Variants in AKT3 observed in about 807,000 individuals in gnomAD.
The protein encoded by AKT3 is AKT serine/threonine kinase 3.
In AKT3, 15 loss-of-function variants were observed where a neutral mutation model predicts 65.3. That is an observed-to-expected ratio of 0.23 (90% CI 0.15 to 0.35). The LOEUF (loss-of-function observed/expected upper bound fraction) is 0.35. Ranked by LOEUF, AKT3 falls within the 10% of genes least tolerant of loss-of-function variation. The probability of loss-of-function intolerance (pLI) is 1.00; values close to 1 mark genes in which losing one functional copy is unlikely to be tolerated. For missense variants in AKT3, 243 were observed against 576.5 expected, an observed-to-expected ratio of 0.42 and a Z score of 5.92; for synonymous variants, 206 against 183.8, an observed-to-expected ratio of 1.12 and a Z score of -0.98.
chr1:243,786,690 G>A (rs1457601017), intron 2 of AKT3, among the ~76,000 whole-genome samples: 1 of 152,050 alleles, frequency 6.6e-6, no homozygotes, highest in Non-Finnish European at 1.5e-5. Flanking sequence ...ACGGGGTGGG[G>A]GGGTGCGCGG....
chr1:243,795,446 C>CTTG (rs1235695595), intron 2 of AKT3, among the ~76,000 whole-genome samples: 24 of 135,076 alleles, frequency 1.8e-4, no homozygotes, highest in Non-Finnish European at 3.6e-4. Flanking sequence ...CCTTGATCTC[C>CTTG]TTGTTTTTTT....
At chr1:243,588,111 C>A (rs1675934210) in intron 8 of AKT3, among the ~76,000 whole-genome samples, 1 of 152,088 alleles carries the variant, frequency 6.6e-6, no homozygotes, top group Non-Finnish European at 1.5e-5. Context: ...GGTTTCACTG[C>A]TGAAAAGATA....
intron 2 of AKT3, among the ~76,000 whole-genome samples, chr1:243,785,672 T>C (rs1176002938): frequency 6.6e-6 from 1 of 152,218 alleles, no homozygotes; most frequent in Non-Finnish European, 1.5e-5. Context: ...AGATGTGTCG[T>C]AGGATGCGTT....
chr1:243,769,231 T>C (rs913050205), intron 2 of AKT3, among the ~76,000 whole-genome samples: 2 of 152,172 alleles, frequency 1.3e-5, no homozygotes, highest in African/African-American at 4.8e-5. Flanking sequence ...TGATTGGACA[T>C]TTGTGGTTTG....
At chr1:243,537,984 C>G (rs960866363) in intron 12 of AKT3, among the ~76,000 whole-genome samples, 12 of 152,042 alleles carry the variant, frequency 7.9e-5, no homozygotes, top group Admixed American at 1.3e-4. Flanking sequence ...GTTAAAGGAG[C>G]CTTATAATCA....
chr1:243,742,043 A>G (rs1412390580), intron 2 of AKT3, among the ~76,000 whole-genome samples: 1 of 146,316 alleles, frequency 6.8e-6, no homozygotes, highest in Non-Finnish European at 1.5e-5. Flanking sequence ...GATTCAAACA[A>G]CTACAGATAG....
At chr1:243,688,865 G>A (rs1262607159) in intron 3 of AKT3, among the ~76,000 whole-genome samples, 2 of 151,684 alleles carry the variant, frequency 1.3e-5, no homozygotes, top group African/African-American at 2.4e-5. Context: ...CATCCATCTA[G>A]GATATTGCCT....
At chr1:243,643,273 T>C (rs945610141) in intron 5 of AKT3, among the ~76,000 whole-genome samples, 1 of 152,144 alleles carries the variant, frequency 6.6e-6, no homozygotes, top group African/African-American at 2.4e-5. Flanking sequence ...TCAAACTTAG[T>C]GGGAAAGCAG....
intron 9 of AKT3, among the ~76,000 whole-genome samples, chr1:243,570,572 G>C (rs921160257): frequency 6.6e-6 from 1 of 152,130 alleles, no homozygotes; most frequent in Non-Finnish European, 1.5e-5. Flanking sequence ...TATCAACTTA[G>C]GTCATTACTT....
At chr1:243,597,835 T>C (rs371800896) in intron 8 of AKT3, among the ~76,000 whole-genome samples, 3 of 152,230 alleles carry the variant, frequency 2.0e-5, no homozygotes, top group East Asian at 3.8e-4. Context: ...CTTGCTCATG[T>C]AGTATACTAA....
At chr1:243,692,850 T>C (rs929153006) in intron 3 of AKT3, among the ~76,000 whole-genome samples, 1 of 152,108 alleles carries the variant, frequency 6.6e-6, no homozygotes, top group African/African-American at 2.4e-5. Flanking sequence ...TTCCTTTTGT[T>C]ATAGGAGCCT....
downstream of AKT3, among the ~76,000 whole-genome samples, chr1:243,496,068 G>C (rs909429639): frequency 6.6e-6 from 1 of 152,238 alleles, no homozygotes; most frequent in Non-Finnish European, 1.5e-5. Context: ...GCCCAGCACA[G>C]ATGATTATGA....
At chr1:243,779,770 G>A (rs527475386) in intron 2 of AKT3, among the ~76,000 whole-genome samples, 3 of 152,174 alleles carry the variant, frequency 2.0e-5, no homozygotes, top group Admixed American at 6.5e-5. Context: ...CTAGAGGTAG[G>A]AAAGTATATG....
rs1182345628 is a variant in AKT3 at position 243,843,158 on chromosome 1, T to C, written c.13A>G (p.Thr5Ala). 6.2e-7 allele frequency: 1 copy of C among 1,613,962 alleles called. No individual in the cohort carries two copies. Among genetic ancestry groups the C allele is most frequent in the African/African-American group, 1.3e-5 (1 of 75,026 alleles). ...TGAACCCAACCTTCTTTCACAATGG[T>C]AACATCGCTCATGATGACTCCCCTC... The part of the protein sequence containing the change: MSDV[T>A]IVKEGWVQKR... The change falls in exon 2 of 14, where the codon ACC (threonine) becomes GCC (alanine). Residue 5 changes from threonine to alanine, a missense_variant. Around this residue, in one of 6 missense-constraint regions of AKT3, gnomAD observed 29 missense variants for 91.3 expected, o/e 0.32. Transcript: ENST00000673466.
intron 12 of AKT3, among the ~76,000 whole-genome samples, chr1:243,538,318 T>G (rs1025707663): frequency 6.8e-6 from 1 of 146,946 alleles, no homozygotes; most frequent in East Asian, 2.0e-4. Context: ...AAGAAGACAA[T>G]AGCAGTGATA....
At chr1:243,494,078 C>G (rs1667223530) in intron 13 of AKT3, among the ~76,000 whole-genome samples, 1 of 152,162 alleles carries the variant, frequency 6.6e-6, no homozygotes. Context: ...ACAAAGTTAG[C>G]TACCTGTAAG....
intron 3 of AKT3, among the ~76,000 whole-genome samples, chr1:243,669,628 A>G (rs916756503): frequency 1.9e-4 from 29 of 152,202 alleles, no homozygotes; most frequent in Non-Finnish European, 3.4e-4. Flanking sequence ...TTTCAACACT[A>G]TACCTAAATG....
intron 2 of AKT3, among the ~76,000 whole-genome samples, chr1:243,832,889 A>G (rs1694628320): frequency 6.6e-6 from 1 of 152,178 alleles, no homozygotes; most frequent in Admixed American, 6.6e-5. Context: ...ATCTTATGGG[A>G]CCACCATCAT....
chr1:243,784,734 G>A (rs909254835), intron 2 of AKT3, among the ~76,000 whole-genome samples: 1 of 152,114 alleles, frequency 6.6e-6, no homozygotes, highest in Non-Finnish European at 1.5e-5. Flanking sequence ...ACATGCTCTT[G>A]GTCCACGCAC....
Sources: allele counts gnomAD v4.1 joint callset (sites outside exome capture counted in the v4.1 genomes callset), GRCh38; gene constraint gnomAD v4.1.1; regional missense constraint gnomAD v4.1.1; transcripts MANE v1.5; gene names NCBI Gene and HGNC (gene_info 2026-07-23, HGNC 2026-07-21).